Variants in ANKRD36 observed in about 807,000 individuals in gnomAD.
The protein encoded by ANKRD36 is ankyrin repeat domain 36.
Under a neutral mutation model 278.1 loss-of-function variants are expected in ANKRD36, and 179 were observed. The ratio of observed to expected loss-of-function variants is 0.64; its 90% confidence interval spans 0.57 to 0.73. The LOEUF (loss-of-function observed/expected upper bound fraction) is 0.73. ANKRD36 is among the 30% of genes least tolerant of loss of function. The probability of loss-of-function intolerance (pLI) is 0.00; values close to 1 mark genes in which losing one functional copy is unlikely to be tolerated. For synonymous variants in ANKRD36, 320 were observed against 641.1 expected (o/e 0.50, Z 7.57); for missense variants, 1,159 against 1,956.7 (o/e 0.59, Z 7.69).
At chr2:97,166,277 G>A (rs200968722) in intron 20 of ANKRD36, among the ~76,000 whole-genome samples, 1,731 of 100,188 alleles carry the variant, frequency 0.017, no homozygotes, top group East Asian at 0.039. Context: ...GTTGATACTC[G>A]ATGAAACTGA....
chr2:97,187,454 T>A, intron 32 of ANKRD36, 53 bp downstream of exon 32: 1 of 754,744 alleles, frequency 1.3e-6, no homozygotes, highest in South Asian at 1.6e-5. Context: ...AGAAAAGAAC[T>A]TCTCTACCCC....
chr2:97,209,573 C>A lies in ANKRD36; in HGVS notation c.3266-108C>A, dbSNP rs534314239. The stretch of plus-strand genomic sequence containing the variant: ...CACAAAGTAGAAGCCATCAAAGCCT[C>A]CACTAATACAGGCAGGAGGACAGAG... On this transcript the variant is annotated intron_variant, in intron 54 of 75. Coordinates refer to ENST00000420699, the MANE Select transcript of ANKRD36 (RefSeq NM_001354587.1). 4.9e-5 allele frequency: 76 copies of A among 1,565,380 alleles called. 3 individuals carry two copies. The Middle Eastern group carries it at 9.5e-4, about 19-fold the overall frequency.
rs761130302 is a variant in ANKRD36 at position 97,155,975 on chromosome 2, T to C, written c.1260+1234T>C. Among the ~76,000 whole-genome samples the C allele has an allele frequency of 1.1e-3, 167 of 146,354 alleles. 17 individuals are homozygous for C. The highest frequency in any genetic ancestry group is 2.0e-3 in the Non-Finnish European group (130 of 64,854). ...AATCTATTAAATGTCTTGAATGTTCTGAATTTATCTTTTGTTCTAATGTTG... is the reference window on the plus strand; with the variant it reads ...AATCTATTAAATGTCTTGAATGTTCCGAATTTATCTTTTGTTCTAATGTTG... On this transcript the variant is annotated intron_variant, in intron 15 of 75. Coordinates refer to ENST00000420699, the MANE Select transcript of ANKRD36 (RefSeq NM_001354587.1).
intron 38 of ANKRD36, among the ~76,000 whole-genome samples, chr2:97,193,523 A>C (rs1225093371): frequency 7.7e-6 from 1 of 129,936 alleles, no homozygotes; most frequent in East Asian, 2.1e-4. Context: ...GTGAGGCAGG[A>C]AGGTGTGAAA....
At chr2:97,203,017 C>T (rs1348935134) in intron 48 of ANKRD36, among the ~76,000 whole-genome samples, 8 of 151,884 alleles carry the variant, frequency 5.3e-5, no homozygotes, top group African/African-American at 1.7e-4. Flanking sequence ...AATCCTAGAA[C>T]TGGCATAGAA....
intron 10 of ANKRD36, among the ~76,000 whole-genome samples, chr2:97,145,885 C>T (rs1412022069): frequency 6.6e-6 from 1 of 152,004 alleles, no homozygotes; most frequent in Non-Finnish European, 1.5e-5. Flanking sequence ...CAGAACACTT[C>T]CACTGAGGAG....
At chr2:97,208,595 C>G (rs1178893265) in intron 54 of ANKRD36, among the ~76,000 whole-genome samples, 6 of 146,274 alleles carry the variant, frequency 4.1e-5, no homozygotes, top group Admixed American at 6.8e-5. Flanking sequence ...TTTAGCTGCT[C>G]CAGGAACTAC....
At chr2:97,145,497 A>C (rs1391679664) in intron 10 of ANKRD36, among the ~76,000 whole-genome samples, 3 of 152,210 alleles carry the variant, frequency 2.0e-5, no homozygotes, top group Admixed American at 1.3e-4. Flanking sequence ...ATAGCAATTT[A>C]ATGAAAACAG....
At chr2:97,210,155 A>T (rs2064021559) in intron 56 of ANKRD36, among the ~76,000 whole-genome samples, 1 of 151,830 alleles carries the variant, frequency 6.6e-6, no homozygotes, top group Non-Finnish European at 1.5e-5. Context: ...TTTTACTTTA[A>T]TTCTACAGCT....
chr2:97,182,124 C>A (rs538329711), intron 26 of ANKRD36, among the ~76,000 whole-genome samples: 2 of 151,464 alleles, frequency 1.3e-5, no homozygotes, highest in Admixed American at 1.3e-4. Flanking sequence ...ATAGATTTTA[C>A]AGACATCACA....
chr2:97,211,714 A>G lies in ANKRD36; in HGVS notation c.3442A>G (p.Lys1148Glu), dbSNP rs765588700. 1.3e-6 allele frequency: 2 copies of G among 1,588,764 alleles called. No homozygotes were observed. The highest frequency in any genetic ancestry group is 1.3e-5 in the African/African-American group (1 of 74,254). Residue 1148 changes from lysine to glutamate, a missense_variant, in exon 58 of 76, where the codon AAA becomes GAA. Lys to Glu is a moderately conservative substitution (Grantham distance 56). Coordinates refer to ENST00000420699, the MANE Select transcript of ANKRD36 (RefSeq NM_001354587.1). ...EDSVPNMATE[K>E]KDEQISGTVS... ...TTCTGTTCCGAATATGGCCACGGAA[A>G]AAAAGGATGAACAAATATCTGGGAC...
chr2:97,196,815 AT>A (rs1300188039), intron 42 of ANKRD36, 27 bp downstream of exon 42: 1 of 1,544,320 alleles, frequency 6.5e-7, no homozygotes, highest in Admixed American at 2.0e-5. Context: ...ATTTAATGTC[AT>A]GTTCAGTCCA....
At chr2:97,143,910 T>G (rs143264996) in intron 8 of ANKRD36, among the ~76,000 whole-genome samples, 36 of 125,944 alleles carry the variant, frequency 2.9e-4, no homozygotes, top group African/African-American at 1.1e-3. Flanking sequence ...CCAAGAAATG[T>G]AGGCACATTA....
At chr2:97,185,706 G>C (rs199897459) in intron 30 of ANKRD36, among the ~76,000 whole-genome samples, 196 bp downstream of exon 30, 1 of 151,746 alleles carries the variant, frequency 6.6e-6, no homozygotes, top group Admixed American at 6.6e-5. Flanking sequence ...TAAGATTATA[G>C]ACTTCCCCAC....
In ANKRD36 at chr2:97,193,025, A is replaced by T. The variant is rs1289667032; in HGVS notation, c.2421A>T (p.Glu807Asp). The T allele has an allele frequency of 3.8e-6, 6 of 1,570,738 alleles. No homozygotes were observed. The Admixed American group carries it at 1.1e-4, about 29-fold the overall frequency. Residue 807 changes from glutamate (E) to aspartate (D), a missense_variant, in exon 38 of 76, where the codon GAA (glutamate) becomes GAT (aspartate). Glu to Asp is a conservative substitution (Grantham distance 45). Transcript: ENST00000420699. ...EEGSVLSIAR[E>D]NKDGEKSRTV... ...GTTCTGTTTTGAGTATAGCCAGAGA[A>T]AACAAGGATGGAGAAAAATCTAGGA...
chr2:97,217,163 C>A lies in ANKRD36; in HGVS notation c.3674-14C>A. ...TTTACATATGATGAATTATATATTT[C>A]TTTTACTTTTCAGTGTCTCCTCAGA... On this transcript the variant is annotated splice_polypyrimidine_tract_variant and intron_variant, in intron 62 of 75. Transcript: ENST00000420699. 6.5e-7 allele frequency: 1 copy of A among 1,542,028 alleles called. No homozygotes were observed. Among genetic ancestry groups the A allele is most frequent in the Non-Finnish European group, 8.8e-7 (1 of 1,141,898 alleles).
intron 15 of ANKRD36, among the ~76,000 whole-genome samples, chr2:97,154,993 A>G (rs1407504427): frequency 2.1e-5 from 3 of 145,062 alleles, no homozygotes; most frequent in Non-Finnish European, 3.1e-5. Flanking sequence ...TGGAAAATAC[A>G]TAGTGACAGG....
chr2:97,198,323 C>A (rs2060375473), intron 42 of ANKRD36, 140 bp from the exon 43 acceptor site: 3 of 1,504,002 alleles, frequency 2.0e-6, no homozygotes, highest in South Asian at 1.2e-5. Context: ...ACGTTCTAGT[C>A]CCCAGACACA....
intron 15 of ANKRD36, among the ~76,000 whole-genome samples, chr2:97,155,351 T>A (rs1057318527): frequency 6.9e-6 from 1 of 145,078 alleles, no homozygotes; most frequent in African/African-American, 2.4e-5. Flanking sequence ...CATGTGCCTG[T>A]AGTCCCACCT....
Sources: gnomAD v4.1 joint callset for allele counts (sites outside exome capture counted in the v4.1 genomes callset) on GRCh38, gnomAD v4.1.1 for gene constraint, MANE v1.5 for transcripts, NCBI Gene and HGNC (gene_info 2026-07-23, HGNC 2026-07-21) for gene names.